USP42: variants seen among roughly 807,000 people sequenced by gnomAD.
USP42 encodes the protein ubiquitin carboxyl-terminal hydrolase 42.
In USP42, 23 loss-of-function variants were observed where a neutral mutation model predicts 113.0. The ratio of observed to expected loss-of-function variants is 0.20; its 90% CI spans 0.15 to 0.29. The LOEUF is 0.29. USP42 is among the 10% of genes least tolerant of loss of function. USP42 has a pLI of 1.00. For missense variants in USP42, 2,174 were observed against 1,779.8 expected, an observed-to-expected ratio of 1.22 and a Z score of -3.99; for synonymous variants, 933 against 699.0, an observed-to-expected ratio of 1.33 and a Z score of -5.28.
chr7:6,109,994 C>T (rs1446417524), intron 1 of USP42, among the ~76,000 whole-genome samples: 1 of 151,824 alleles, frequency 6.6e-6, no homozygotes, highest in Non-Finnish European at 1.5e-5. Flanking sequence ...CACCACCATG[C>T]CTGGGTAATT....
At chr7:6,114,299 A>G (rs1193828483) in intron 2 of USP42, among the ~76,000 whole-genome samples, 1 of 152,140 alleles carries the variant, frequency 6.6e-6, no homozygotes, top group Non-Finnish European at 1.5e-5. Context: ...GTTACAAGGA[A>G]TCAAATGTAT....
chr7:6,082,368 T>C, the USP42 span, among the ~76,000 whole-genome samples: 9 of 152,160 alleles, frequency 5.9e-5, no homozygotes, highest in African/African-American at 1.9e-4. Flanking sequence ...GACCTCGTGA[T>C]CCGCCTGCCT....
chr7:6,142,239 C>T lies in USP42; in HGVS notation c.796-693C>T, dbSNP rs545030967. On this transcript the variant is annotated intron_variant, in intron 7 of 17. Transcript: ENST00000306177. ...CTTTTTTCTTTTTTTTTTTTTGAGACGGAGTCCTGCTCTGTCACCCAGGCT... is the reference window on the plus strand; with the variant it reads ...CTTTTTTCTTTTTTTTTTTTTGAGATGGAGTCCTGCTCTGTCACCCAGGCT... Among the ~76,000 whole-genome samples, 10 of 145,264 alleles carry T rather than the reference C, an allele frequency of 6.9e-5. No homozygotes were observed. In the South Asian group the frequency reaches 8.6e-4, roughly 12 times the overall value.
chr7:6,123,903 T>A (rs1216032812), intron 3 of USP42, among the ~76,000 whole-genome samples: 1 of 148,838 alleles, frequency 6.7e-6, no homozygotes, highest in East Asian at 2.0e-4. Context: ...TGAGGTGGAG[T>A]CTCACTTTGT....
intron 2 of USP42, among the ~76,000 whole-genome samples, chr7:6,114,351 T>C (rs565724891): frequency 5.9e-5 from 9 of 152,232 alleles, no homozygotes. Flanking sequence ...TTTTAAATGT[T>C]CAAAGTGGAT....
At position 6,154,679 on chromosome 7, in the gene USP42, G is replaced by A. The variant is rs373604556; in HGVS notation, c.3125G>A (p.Arg1042His). ...WVRHHYTEGE[R>H]GWGREKFYPD... ...AGACACCACTACACCGAGGGCGAGC[G>A]TGGCTGGGGCCGGGAGAAGTTCTAC... Residue 1042 changes from arginine (R) to histidine (H), a missense_variant, in exon 15 of 18, where the codon CGT becomes CAT. Transcript: ENST00000306177. 4 of 1,605,236 alleles carry A rather than the reference G, an allele frequency of 2.5e-6. No individual in the cohort carries two copies. Among genetic ancestry groups the A allele is most frequent in the South Asian group, 1.1e-5 (1 of 89,660 alleles).
At chr7:6,092,005 CTT>C in the USP42 span, among the ~76,000 whole-genome samples, 2 of 82,196 alleles carry the variant, frequency 2.4e-5, no homozygotes, top group Non-Finnish European at 5.6e-5. Context: ...TCTTCTTCTT[CTT>C]CTTCTTCTTC....
At chr7:6,118,212 A>G (rs546362266) in intron 3 of USP42, among the ~76,000 whole-genome samples, 12 of 152,134 alleles carry the variant, frequency 7.9e-5, no homozygotes, top group Admixed American at 3.9e-4. Context: ...TGGGCAACGT[A>G]GGGAGAACTC....
intron 11 of USP42, among the ~76,000 whole-genome samples, chr7:6,146,626 C>T (rs1484083109): frequency 6.6e-6 from 1 of 152,128 alleles, no homozygotes; most frequent in African/African-American, 2.4e-5. Context: ...GATTGAGCCA[C>T]TGCATTCCAG....
intron 3 of USP42, among the ~76,000 whole-genome samples, chr7:6,121,464 CTT>C (rs201686654): frequency 6.7e-6 from 1 of 148,690 alleles, no homozygotes. Context: ...CTTATAATGC[CTT>C]TTTTTTTTCT....
intron 3 of USP42, among the ~76,000 whole-genome samples, chr7:6,134,621 CG>C (rs1203013655): frequency 6.6e-6 from 1 of 152,110 alleles, no homozygotes; most frequent in Non-Finnish European, 1.5e-5. Context: ...GGCTGTTGAG[CG>C]GCATCCCTGG....
the USP42 span, among the ~76,000 whole-genome samples, chr7:6,083,987 C>T: frequency 3.3e-5 from 5 of 150,902 alleles, no homozygotes; most frequent in East Asian, 1.9e-4. Context: ...TTGTGTAGGT[C>T]GTCCGTGAGT....
At chr7:6,105,520 C>T (rs1179056847) in intron 1 of USP42, among the ~76,000 whole-genome samples, 1 of 145,478 alleles carries the variant, frequency 6.9e-6, no homozygotes. Context: ...CCCCTCAGAG[C>T]CCCGGGCCGG....
In USP42 at chr7:6,149,860, C is replaced by T. The variant is rs1046902; in HGVS notation, c.1664C>T (p.Ser555Phe). The change falls in exon 13 of 18, where the codon TCT becomes TTT. Residue 555 changes from serine (S) to phenylalanine (F), a missense_variant. Transcript: ENST00000306177. ...GAGAACCCTACCAAGCCCGTTCCCT[C>T]TTCTACCATTACCAATTCTGCAGTA... ...SLENPTKPVP[S>F]STITNSAVQS... The T allele has an allele frequency of 3.1e-6, 5 of 1,613,934 alleles. No individual in the cohort carries two copies. The African/African-American group carries it at 6.7e-5, about 22-fold the overall frequency.
Position 6,150,281 on chromosome 7 carries a change from G to C in USP42, c.2085G>C (p.Lys695Asn), listed in dbSNP as rs755375527. 2 of 1,613,348 alleles carry C rather than the reference G, an allele frequency of 1.2e-6. No homozygotes were observed. Among genetic ancestry groups the C allele is most frequent in the Non-Finnish European group, 1.7e-6 (2 of 1,179,706 alleles). The change falls in exon 13 of 18, where the codon AAG becomes AAC. Residue 695 changes from lysine (K) to asparagine (N), a missense_variant. Lys to Asn is a moderately conservative substitution (Grantham distance 94). Coordinates refer to ENST00000306177, the MANE Select transcript of USP42 (RefSeq NM_032172.3). Reference protein sequence around the residue: ...PALHSENPFAKANGLPGKLMP... With the variant: ...PALHSENPFANANGLPGKLMP... ...TGCACTCAGAAAATCCCTTTGCTAA[G>C]GCAAACGGTCTTCCTGGAAAGGTGA...
At chr7:6,125,431 A>T (rs745731534) in intron 3 of USP42, among the ~76,000 whole-genome samples, 5 of 152,112 alleles carry the variant, frequency 3.3e-5, no homozygotes, top group Non-Finnish European at 5.9e-5. Flanking sequence ...CGGGGGTTGC[A>T]GTGAGCCAAG....
At chr7:6,103,010 G>A (rs1249257674), upstream of USP42, among the ~76,000 whole-genome samples, 1 of 151,044 alleles carries the variant, frequency 6.6e-6, no homozygotes, top group Admixed American at 6.6e-5. Context: ...TTGGTGTAAA[G>A]GGTTAGATCA....
intron 3 of USP42, among the ~76,000 whole-genome samples, chr7:6,132,880 G>C (rs1780928291): frequency 6.6e-6 from 1 of 152,114 alleles, no homozygotes; most frequent in Non-Finnish European, 1.5e-5. Flanking sequence ...CACCGTGTTA[G>C]CCAGGATGGT....
At chr7:6,155,265 C>T (rs2128523633) in intron 15 of USP42, 70 bp downstream of exon 15, 1 of 1,450,402 alleles carries the variant, frequency 6.9e-7, no homozygotes, top group Non-Finnish European at 9.0e-7. Context: ...TCCCTTCTCA[C>T]TCGACTCAGG....
Sources: gnomAD v4.1 joint callset for allele counts (sites outside exome capture counted in the v4.1 genomes callset) on GRCh38, gnomAD v4.1.1 for gene constraint, MANE v1.5 for transcripts, NCBI Gene and HGNC (gene_info 2026-07-23, HGNC 2026-07-21) for gene names.